RNF43: variants seen among roughly 807,000 people sequenced by gnomAD.
RNF43 encodes E3 ubiquitin-protein ligase RNF43.
A neutral mutation model predicts 78.4 loss-of-function variants in RNF43; 37 were observed. That is an observed-to-expected ratio of 0.47 (90% CI 0.36 to 0.62). The LOEUF is 0.62. Among genes scored for constraint, RNF43 ranks in the 20% least tolerant of loss-of-function variants. RNF43 has a pLI of 0.00. For missense variants in RNF43, 774 were observed against 1,007.9 expected (o/e 0.77, Z 3.14); for synonymous variants, 347 against 395.0 (o/e 0.88, Z 1.44).
chr17:58,386,182 C>G (rs1973429781), intron 2 of RNF43, among the ~76,000 whole-genome samples: 1 of 151,880 alleles, frequency 6.6e-6, no homozygotes, highest in African/African-American at 2.4e-5. Context: ...AATCCCAGCA[C>G]TTTGGGAGGC....
intron 3 of RNF43, among the ~76,000 whole-genome samples, chr17:58,370,073 T>G (rs1973051635): frequency 3.0e-5 from 3 of 100,980 alleles, no homozygotes; most frequent in East Asian, 3.9e-4. Context: ...TTTTTTTTTT[T>G]TTTTTTTTTT....
chr17:58,357,782 G>T lies in RNF43; in HGVS notation c.1994C>A (p.Pro665His). 1.9e-6 allele frequency: 3 copies of T among 1,611,724 alleles called. No homozygotes were observed. The highest frequency in any genetic ancestry group is 2.5e-6 in the Non-Finnish European group (3 of 1,178,780). ...AGTTGCATCCTGGGGCCGAGAGCCA[G>T]GGGTGGGCTCGGAGGGACCCCCCCG... Reference protein sequence around the residue: ...KRRGGPSEPTPGSRPQDATVH... With the variant: ...KRRGGPSEPTHGSRPQDATVH... Residue 665 changes from proline (P) to histidine (H), a missense_variant, in exon 9 of 10, where the codon CCT becomes CAT. Physicochemically the swap from Pro to His is moderately conservative, Grantham distance 77. Transcript: ENST00000407977. The surrounding 1 kb of genome is among the most constrained non-coding windows in gnomAD (Gnocchi z 4.5).
At chr17:58,397,132 GA>G (rs796997553) in intron 2 of RNF43, among the ~76,000 whole-genome samples, 16 of 151,762 alleles carry the variant, frequency 1.1e-4, no homozygotes, top group African/African-American at 3.6e-4. Flanking sequence ...CCTAGAGGGG[GA>G]AAAATAAATG....
chr17:58,394,107 A>G (rs1227108111), intron 2 of RNF43, among the ~76,000 whole-genome samples: 2 of 152,164 alleles, frequency 1.3e-5, no homozygotes, highest in Non-Finnish European at 2.9e-5. Flanking sequence ...AGCACTCCCA[A>G]CATTCCCTAG....
At chr17:58,416,211 G>A (rs979410005) in intron 1 of RNF43, 2 of 154,126 alleles carry the variant, frequency 1.3e-5, no homozygotes, top group African/African-American at 4.8e-5. Flanking sequence ...ATTTAGAAAA[G>A]TTTCCACATT....
chr17:58,387,731 T>C (rs527315221), intron 2 of RNF43, among the ~76,000 whole-genome samples: 71 of 152,084 alleles, frequency 4.7e-4, no homozygotes, highest in Non-Finnish European at 8.1e-4. Flanking sequence ...ACAATGACAA[T>C]GGCTTCACTG....
At chr17:58,390,455 G>A (rs1973529508) in intron 2 of RNF43, among the ~76,000 whole-genome samples, 1 of 152,200 alleles carries the variant, frequency 6.6e-6, no homozygotes, top group Admixed American at 6.5e-5. Flanking sequence ...GGTGTAAAGA[G>A]TAAAACCTGC....
At position 58,410,873 on chromosome 17, in the gene RNF43, C is replaced by A. The variant is rs187752505; in HGVS notation, c.252+4453G>T. Among the ~76,000 whole-genome samples, 3 of 152,236 alleles carry A rather than the reference C, an allele frequency of 2.0e-5. No individual in the cohort carries two copies. In the East Asian group the frequency reaches 5.8e-4, roughly 29 times the overall value. On this transcript the variant is annotated intron_variant, in intron 2 of 9. Transcript: ENST00000407977. ...GATAATGGTACTCATCACTTTCATTCCTTTCTACTCTGGAAATAAATTTTT... is the reference window on the plus strand; with the variant it reads ...GATAATGGTACTCATCACTTTCATTACTTTCTACTCTGGAAATAAATTTTT...
rs1972800387 is a variant in RNF43, at chr17:58,360,132, C to T, written c.952+17G>A. On this transcript the variant is annotated intron_variant, in intron 8 of 9. Coordinates refer to ENST00000407977, the MANE Select transcript of RNF43 (RefSeq NM_017763.6). The surrounding 1 kb of genome is among the most constrained non-coding windows in gnomAD (Gnocchi z 4.3). Reference sequence around the variant, plus strand: ...CTGTCTGCCTACACAGAGGGGAGTCCTTGGCCCACCTCCTACCTGTGATGT... The same window carrying T: ...CTGTCTGCCTACACAGAGGGGAGTCTTTGGCCCACCTCCTACCTGTGATGT... 10 of 1,599,300 alleles carry T rather than the reference C, an allele frequency of 6.3e-6. No individual in the cohort carries two copies. The highest frequency in any genetic ancestry group is 5.5e-5 in the South Asian group (5 of 90,736).
intron 6 of RNF43, among the ~76,000 whole-genome samples, chr17:58,362,114 A>C (rs554834508): frequency 2.4e-4 from 37 of 151,680 alleles, no homozygotes; most frequent in East Asian, 3.9e-4. Flanking sequence ...AACAAACAAA[A>C]AAAAACCTTG....
chr17:58,409,740 C>G (rs1973985125), intron 2 of RNF43, among the ~76,000 whole-genome samples: 1 of 152,076 alleles, frequency 6.6e-6, no homozygotes, highest in Non-Finnish European at 1.5e-5. Flanking sequence ...GAAATATTAG[C>G]TGGGCATGGT....
rs1972702748 is a variant in RNF43 at position 58,357,205 on chromosome 17, T to C, written c.2308+263A>G. The C allele has an allele frequency of 2.8e-6, 2 of 705,694 alleles. No homozygotes were observed. Among genetic ancestry groups the C allele is most frequent in the Non-Finnish European group, 5.2e-6 (2 of 387,894 alleles). The allele number at this position is 705,694 out of a possible 1,614,324, so 43.7% of individuals were successfully genotyped here. ...CATCACACCCGGCCTTCCAAGTGCCTTTCTGATGCCTCAGCCACACCAGCA... is the reference window on the plus strand; with the variant it reads ...CATCACACCCGGCCTTCCAAGTGCCCTTCTGATGCCTCAGCCACACCAGCA... On this transcript the variant is annotated intron_variant, in intron 9 of 9. Coordinates refer to ENST00000407977, the MANE Select transcript of RNF43 (RefSeq NM_017763.6). This position sits in a 1 kb window ranked among gnomAD's most constrained non-coding sequence, Gnocchi z 4.5.
intron 2 of RNF43, among the ~76,000 whole-genome samples, chr17:58,381,883 G>A (rs1055518741): frequency 2.7e-5 from 4 of 149,854 alleles, no homozygotes; most frequent in Admixed American, 6.8e-5. Context: ...TCCCATGGAC[G>A]TTTCCCTATT....
intron 2 of RNF43, among the ~76,000 whole-genome samples, chr17:58,377,885 C>T (rs1178929799): frequency 1.3e-5 from 2 of 152,078 alleles, no homozygotes; most frequent in Non-Finnish European, 1.5e-5. Context: ...TCCTTTCCTG[C>T]ACAACCTCCA....
At chr17:58,388,774 T>C (rs1339043710) in intron 2 of RNF43, among the ~76,000 whole-genome samples, 1 of 152,222 alleles carries the variant, frequency 6.6e-6, no homozygotes, top group Non-Finnish European at 1.5e-5. Flanking sequence ...CCACAGGATC[T>C]AGTCCACTGG....
At chr17:58,415,217 T>C (rs1567899823) in intron 2 of RNF43, 109 bp downstream of exon 2, 20 of 1,162,340 alleles carry the variant, frequency 1.7e-5, no homozygotes, top group African/African-American at 3.1e-5. Context: ...TTCTATGAAA[T>C]AGAAAGCTAA....
chr17:58,366,231 A>G (rs941645487), intron 3 of RNF43, among the ~76,000 whole-genome samples: 2 of 152,202 alleles, frequency 1.3e-5, no homozygotes, highest in Non-Finnish European at 2.9e-5. Flanking sequence ...CCCCTCTACT[A>G]TCCCCTCCAC....
Position 58,415,785 on chromosome 17 carries a change from T to C in RNF43, c.-208A>G. The C allele has an allele frequency of 3.3e-6, 2 of 601,124 alleles. No homozygotes were observed. The highest frequency in any genetic ancestry group is 5.9e-6 in the Non-Finnish European group (2 of 341,028). The allele number at this position is 601,124 out of a possible 1,614,324, so 37.2% of individuals were successfully genotyped here. A position where few individuals can be genotyped will look rare whatever the true frequency, so the allele number is the denominator to read the frequency against. On this transcript the variant is annotated 5_prime_UTR_variant, in exon 2 of 10. Coordinates refer to ENST00000407977, the MANE Select transcript of RNF43 (RefSeq NM_017763.6). The stretch of plus-strand genomic sequence containing the variant: ...CTGATTGGGCAGAGAAGAGGATATT[T>C]TCAGCCCACATCTGCTGCAGGTATG...
At chr17:58,398,204 T>C (rs899785162) in intron 2 of RNF43, among the ~76,000 whole-genome samples, 12 of 152,224 alleles carry the variant, frequency 7.9e-5, no homozygotes, top group African/African-American at 2.9e-4. Context: ...ATCTGTACTG[T>C]TGAAATCCTT....
Sources: gnomAD v4.1 joint callset for allele counts (sites outside exome capture counted in the v4.1 genomes callset) on GRCh38, gnomAD v4.1.1 for gene constraint, Gnocchi (gnomAD v3.1) non-coding constraint, MANE v1.5 for transcripts, NCBI Gene and HGNC (gene_info 2026-07-23, HGNC 2026-07-21) for gene names.